The following DLC1 variants were observed in gnomAD, a reference collection of about 807,000 sequenced individuals.
The protein encoded by DLC1 is rho GTPase-activating protein 7.
Under a neutral mutation model 140.3 loss-of-function variants are expected in DLC1, and 54 were observed. That is an observed-to-expected ratio of 0.38 (90% CI 0.31 to 0.48). The LOEUF (loss-of-function observed/expected upper bound fraction) is 0.48. DLC1 is among the 20% of genes least tolerant of loss of function. The probability of loss-of-function intolerance (pLI) is 0.96; values close to 1 mark genes in which losing one functional copy is unlikely to be tolerated. For synonymous variants in DLC1, 986 were observed against 728.1 expected, an observed-to-expected ratio of 1.35 and a Z score of -5.70; for missense variants, 2,536 against 1,907.0, an observed-to-expected ratio of 1.33 and a Z score of -6.14.
chr8:13,597,057 A>G (rs761124147), intron 1 of DLC1, among the ~76,000 whole-genome samples: 7 of 151,906 alleles, frequency 4.6e-5, no homozygotes, highest in Non-Finnish European at 7.4e-5. Flanking sequence ...TGCAGCAAGG[A>G]CAAGTAAATT....
rs116086657 is a variant in DLC1, at chr8:13,130,774, C to T, written c.1349-15117G>A. On this transcript the variant is annotated intron_variant, in intron 5 of 17. Coordinates refer to ENST00000276297, the MANE Select transcript of DLC1 (RefSeq NM_182643.3). The stretch of plus-strand genomic sequence containing the variant: ...AGATTTAAGTTGGAAACTATTTATC[C>T]CCAGTCCCCTTTTTGAACTTCCAGG... Among the ~76,000 whole-genome samples, 603 of 152,266 alleles carry T rather than the reference C, an allele frequency of 4.0e-3. 4 individuals carry two copies. Among genetic ancestry groups the T allele is most frequent in the African/African-American group, 0.014 (564 of 41,548 alleles).
At chr8:13,476,680 C>G (rs986199150) in intron 2 of DLC1, among the ~76,000 whole-genome samples, 1 of 151,990 alleles carries the variant, frequency 6.6e-6, no homozygotes, top group Non-Finnish European at 1.5e-5. Flanking sequence ...AGTTTTTATT[C>G]TTAGTTTCTT....
chr8:13,288,701 A>G (rs1025817830), intron 5 of DLC1, among the ~76,000 whole-genome samples: 4 of 152,192 alleles, frequency 2.6e-5, no homozygotes, highest in African/African-American at 9.7e-5. Context: ...ACAACTCAAC[A>G]GGAGAGGCGG....
At chr8:13,313,520 G>A (rs762505928) in intron 4 of DLC1, among the ~76,000 whole-genome samples, 2 of 152,118 alleles carry the variant, frequency 1.3e-5, no homozygotes, top group Admixed American at 6.5e-5. Context: ...GGGGCTATTT[G>A]TGAGGGTCAA....
In DLC1 at chr8:13,231,481, A is replaced by G. The variant is rs75801869; in HGVS notation, c.1348+73788T>C. Among the ~76,000 whole-genome samples the G allele has an allele frequency of 2.7e-3, 409 of 152,366 alleles. 6 individuals carry two copies. The East Asian group carries it at 0.034, about 13-fold the overall frequency. ...TGTATATTTTACATTTTAAAAAATG[A>G]TTCGAATCAGTTATTACTTCCTAAT... is the stretch of plus-strand genomic sequence containing the variant. On this transcript the variant is annotated intron_variant, in intron 5 of 17. Coordinates refer to ENST00000276297, the MANE Select transcript of DLC1 (RefSeq NM_182643.3).
intron 12 of DLC1, among the ~76,000 whole-genome samples, chr8:13,094,315 G>T (rs1489977930): frequency 1.3e-5 from 2 of 152,212 alleles, no homozygotes; most frequent in Non-Finnish European, 2.9e-5. Flanking sequence ...AGGCGGCAAG[G>T]AAGAAGGTGA....
Position 13,090,432 on chromosome 8 carries a change from G to A in DLC1, c.3894C>T (p.Thr1298=), listed in dbSNP as rs780773136. ...EEMSRCRNSY[T]EQELKPLTLE... ...GAGTGAGGGGCTTCAGCTCTTGTTC[G>A]GTATAGGAATTACGACATCGGCTCA... Residue 1298 remains threonine, a synonymous_variant, in exon 15 of 18, where the codon ACC becomes ACT. Transcript: ENST00000276297. The A allele has an allele frequency of 1.4e-5, 22 of 1,614,002 alleles. No homozygotes were observed. In the African/African-American group the frequency reaches 1.5e-4, roughly 11 times the overall value.
At chr8:13,350,429 C>T (rs1834594306) in intron 4 of DLC1, among the ~76,000 whole-genome samples, 1 of 151,952 alleles carries the variant, frequency 6.6e-6, no homozygotes, top group African/African-American at 2.4e-5. Context: ...TAAAGAAAAA[C>T]ACCAGGCCAG....
intron 4 of DLC1, among the ~76,000 whole-genome samples, chr8:13,351,318 T>C (rs1834652566): frequency 6.6e-6 from 1 of 152,236 alleles, no homozygotes; most frequent in Admixed American, 6.5e-5. Flanking sequence ...AAGTAACTAA[T>C]GTCACAAACT....
rs1454111596 is a variant in DLC1 at position 13,473,442 on chromosome 8, G to A, written c.1023+25607C>T. Among the ~76,000 whole-genome samples the A allele has an allele frequency of 2.0e-5, 3 of 152,252 alleles. No homozygotes were observed. The East Asian group carries it at 5.8e-4, about 29-fold the overall frequency. ...ATGCTATCCATCTAAGATGTGACTT[G>A]CTTCTTCTTCCTTCTGCCATGATAC... On this transcript the variant is annotated intron_variant, in intron 2 of 17. Transcript: ENST00000276297.
At chr8:13,209,728 C>A (rs1462005325) in intron 5 of DLC1, among the ~76,000 whole-genome samples, 2 of 152,072 alleles carry the variant, frequency 1.3e-5, no homozygotes, top group African/African-American at 4.8e-5. Flanking sequence ...TGTGGCACCT[C>A]CCTCCTGTCT....
intron 5 of DLC1, among the ~76,000 whole-genome samples, chr8:13,233,293 T>TAAAAAAAAAAAAAAAAAA (rs71207134): frequency 1.4e-5 from 1 of 70,388 alleles, no homozygotes; most frequent in African/African-American, 5.8e-5. Context: ...AGACTCTGTA[T>TAAAAAAAAAAAAAAAAAA]AAAAAAAAAA....
At chr8:13,140,326 G>A (rs1324973545) in intron 5 of DLC1, among the ~76,000 whole-genome samples, 3 of 152,046 alleles carry the variant, frequency 2.0e-5, no homozygotes, top group Non-Finnish European at 4.4e-5. Context: ...TCAAACTCCT[G>A]GGCTCAAGTG....
chr8:13,133,249 C>G, intron 5 of DLC1: 1 of 1,367,244 alleles, frequency 7.3e-7, no homozygotes, highest in Non-Finnish European at 9.4e-7. Context: ...CATGTCCTGG[C>G]TGGGAGCGAA....
At chr8:13,183,968 TATTA>T in intron 5 of DLC1, among the ~76,000 whole-genome samples, 1 of 152,312 alleles carries the variant, frequency 6.6e-6, no homozygotes, top group African/African-American at 2.4e-5. Context: ...GAAAGTAGGC[TATTA>T]ATTATTGCCT....
intron 1 of DLC1, among the ~76,000 whole-genome samples, chr8:13,510,979 C>CT (rs918565286): frequency 5.9e-4 from 89 of 149,768 alleles, no homozygotes; most frequent in East Asian, 2.0e-3. Flanking sequence ...GTTTTCCTTT[C>CT]TTTTTTTTTT....
intron 5 of DLC1, among the ~76,000 whole-genome samples, chr8:13,238,080 C>G (rs1829374272): frequency 6.6e-6 from 1 of 152,112 alleles, no homozygotes; most frequent in Admixed American, 6.5e-5. Context: ...CATTTATCCC[C>G]ATTGTTATCC....
At chr8:13,305,793 G>A (rs1027864705) in intron 4 of DLC1, among the ~76,000 whole-genome samples, 2 of 152,152 alleles carry the variant, frequency 1.3e-5, no homozygotes, top group Non-Finnish European at 2.9e-5. Context: ...AGCTATGATC[G>A]TGCTACAGAC....
chr8:13,245,067 G>C (rs992365921), intron 5 of DLC1, among the ~76,000 whole-genome samples: 3 of 151,308 alleles, frequency 2.0e-5, no homozygotes, highest in Non-Finnish European at 4.4e-5. Context: ...GAATGTAGCT[G>C]TGTGATTTCT....
Sources: allele counts gnomAD v4.1 joint callset (sites outside exome capture counted in the v4.1 genomes callset), GRCh38; gene constraint gnomAD v4.1.1; transcripts MANE v1.5; gene names NCBI Gene and HGNC (gene_info 2026-07-23, HGNC 2026-07-21).